Variants in STK26 observed in about 807,000 individuals in gnomAD.
The protein encoded by STK26 is serine/threonine-protein kinase 26.
STK26 carries 14 observed loss-of-function variants against 34.7 expected under a neutral mutation model. The observed-to-expected ratio is 0.40, with a 90% CI of 0.27 to 0.63. STK26 has a LOEUF of 0.63. STK26 is among the 30% of genes least tolerant of loss of function. The pLI is 0.38. For missense variants in STK26, 226 were observed against 309.1 expected (o/e 0.73, Z 2.02); for synonymous variants, 100 against 109.8 (o/e 0.91, Z 0.56).
At chrX:132,025,378 A>G (rs1245355475) in intron 2 of STK26, among the ~76,000 whole-genome samples, 1 of 111,224 alleles carries the variant, frequency 9.0e-6, no homozygotes, top group African/African-American at 3.3e-5. Context: ...ATGGTTTCTG[A>G]TTTTTATTTT....
chrX:132,031,011 A>G (rs1379248471), intron 2 of STK26, among the ~76,000 whole-genome samples: 2 of 110,812 alleles, frequency 1.8e-5, no homozygotes, highest in African/African-American at 6.6e-5. Flanking sequence ...ATCACAGTTT[A>G]CTGCAGCCTC....
chrX:132,071,305 A>G (rs1054740940), intron 8 of STK26, 88 bp downstream of exon 8: 1 of 1,002,217 alleles, frequency 1.0e-6, no homozygotes, highest in Non-Finnish European at 1.4e-6. Flanking sequence ...TTGTTCTAGC[A>G]TAAAATATAA....
intron 2 of STK26, among the ~76,000 whole-genome samples, chrX:132,054,028 T>TA (rs1288392037): frequency 8.9e-6 from 1 of 112,162 alleles, no homozygotes; most frequent in East Asian, 2.8e-4. Flanking sequence ...TCATGATTAC[T>TA]AGCAATTATT....
intron 2 of STK26, among the ~76,000 whole-genome samples, chrX:132,028,463 A>G (rs1182526849): frequency 1.8e-5 from 2 of 111,420 alleles, no homozygotes; most frequent in South Asian, 3.8e-4. Flanking sequence ...GACAAAGTAC[A>G]TATGTCCAAT....
rs967672513 is a variant in STK26 at position 132,044,631 on chromosome X, C to G, written c.43-10000C>G. On this transcript the variant is annotated intron_variant, in intron 2 of 11. Transcript: ENST00000394334. ...TAGTTTCACTGGATGTTCAAATTCTCTCTCTCTCTCTCTCTCTCTCTCTCT... is the reference window on the plus strand; with the variant it reads ...TAGTTTCACTGGATGTTCAAATTCTGTCTCTCTCTCTCTCTCTCTCTCTCT... Among the ~76,000 whole-genome samples, 5 of 43,020 alleles carry G rather than the reference C, an allele frequency of 1.2e-4. No individual in the cohort carries two copies. In the South Asian group the frequency reaches 4.5e-3, roughly 39 times the overall value. The allele number at this position is 43,020 out of a possible 115,157, so 37.4% of individuals were successfully genotyped here. A position where few individuals can be genotyped will look rare whatever the true frequency, so the allele number is the denominator to read the frequency against.
At position 132,054,774 on chromosome X, in the gene STK26, T is replaced by G. The variant is rs1336172162; in HGVS notation, c.186T>G (p.Asp62Glu). 8.3e-7 allele frequency: 1 copy of G among 1,209,831 alleles called. No individual in the cohort carries two copies. Among genetic ancestry groups the G allele is most frequent in the Admixed American group, 2.2e-5 (1 of 45,706 alleles). The change falls in exon 3 of 12, where the codon GAT becomes GAG. Residue 62 changes from aspartate (D) to glutamate (E), a missense_variant. By Grantham distance (45) the Asp-to-Glu change is conservative. This residue lies in a region of STK26 where 100 missense variants were observed against 176.7 expected (regional missense o/e 0.57). Coordinates refer to ENST00000394334, the MANE Select transcript of STK26 (RefSeq NM_016542.4). ...TCATAGACCTTGAGGAAGCCGAAGA[T>G]GAAATAGAAGACATTCAGCAAGAAA... ...IKIIDLEEAE[D>E]EIEDIQQEIT... is the part of the protein sequence containing the mutation.
Position 132,072,940 on chromosome X carries a change from CTAT to C in STK26, c.1090-12_1090-10del, listed in dbSNP as rs777297696. On this transcript the variant is annotated splice_polypyrimidine_tract_variant and intron_variant, in intron 10 of 11. Coordinates refer to ENST00000394334, the MANE Select transcript of STK26 (RefSeq NM_016542.4). ...TAGTATAATATTTTAAATGTTTTAA[CTAT>C]TATTCTTTCTCAGCTTAAACAGCAG... 25 of 1,205,951 alleles carry C rather than the reference CTAT, an allele frequency of 2.1e-5. No homozygotes were observed. The highest frequency in any genetic ancestry group is 2.8e-5 in the Non-Finnish European group (25 of 892,671).
chrX:132,074,567 T>TA lies in STK26; in HGVS notation c.*408_*409insA, dbSNP rs200019710. On this transcript the variant is annotated 3_prime_UTR_variant, in exon 12 of 12. Coordinates refer to ENST00000394334, the MANE Select transcript of STK26 (RefSeq NM_016542.4). ...ATCAAGCTTCAAAAAGCTTTTTTTT[T>TA]TAAAAAAAAACATGCATATTCTAAA... 1.0e-3 allele frequency: 116 copies of TA among 112,638 alleles called. No homozygotes were observed. Among genetic ancestry groups the TA allele is most frequent in the South Asian group, 4.4e-3 (11 of 2,504 alleles). The allele number at this position is 112,638 out of a possible 1,213,427, so 9.3% of individuals were successfully genotyped here. A position where few individuals can be genotyped will look rare whatever the true frequency, so the allele number is the denominator to read the frequency against.
chrX:132,073,359 C>A (rs2124198029), intron 11 of STK26, among the ~76,000 whole-genome samples: 1 of 112,014 alleles, frequency 8.9e-6, no homozygotes, highest in South Asian at 3.6e-4. Context: ...GGATTATAGA[C>A]AAAAGGTCAC....
intron 2 of STK26, among the ~76,000 whole-genome samples, chrX:132,030,865 T>A (rs777189836): frequency 8.9e-6 from 1 of 111,810 alleles, no homozygotes; most frequent in Non-Finnish European, 1.9e-5. Flanking sequence ...TACACAGAAC[T>A]AAAATTTTGA....
At chrX:132,034,076 C>T (rs749666088) in intron 2 of STK26, among the ~76,000 whole-genome samples, 1 of 104,204 alleles carries the variant, frequency 9.6e-6, no homozygotes, top group South Asian at 4.3e-4. Context: ...GCACAATGTG[C>T]ACATGTTCCC....
At chrX:132,025,241 T>G (rs767669834) in intron 2 of STK26, among the ~76,000 whole-genome samples, 2 of 111,738 alleles carry the variant, frequency 1.8e-5, no homozygotes, top group South Asian at 7.5e-4. Flanking sequence ...ATGTGAAGTT[T>G]GTCTCTGAGG....
rs1569330218 is a variant in STK26 at position 132,044,772 on chromosome X, GATCTATATATATATTTATAT to G, written c.43-9856_43-9837del. 3.4e-3 allele frequency among the ~76,000 whole-genome samples: 126 copies of G among 37,520 alleles called. 6 individuals are homozygous for G. Among genetic ancestry groups the G allele is most frequent in the African/African-American group, 0.011 (83 of 7,726 alleles). The allele number at this position is 37,520 out of a possible 115,157, so 32.6% of individuals were successfully genotyped here. On this transcript the variant is annotated intron_variant, in intron 2 of 11. Transcript: ENST00000394334. Reference sequence around the variant, plus strand: ...ATATATATTTATATATATATAGAGAGATCTATATATATATTTATATATATAGAGAGAGATCTATATATATA... The same window carrying G: ...ATATATATTTATATATATATAGAGAGATATAGAGAGAGATCTATATATATA...
intron 2 of STK26, among the ~76,000 whole-genome samples, chrX:132,032,557 CCTT>C (rs1925882458): frequency 9.0e-6 from 1 of 111,601 alleles, no homozygotes. Context: ...TTTTCCCTCT[CCTT>C]CTATTACCTC....
chrX:132,054,139 T>C (rs1054309008), intron 2 of STK26, among the ~76,000 whole-genome samples: 9 of 112,090 alleles, frequency 8.0e-5, no homozygotes, highest in Admixed American at 6.6e-4. Context: ...TGGAGTCTTT[T>C]GTGGTCTGTG....
intron 4 of STK26, 108 bp from the exon 5 acceptor site, chrX:132,068,107 G>A: frequency 1.9e-6 from 1 of 533,834 alleles, no homozygotes; most frequent in Non-Finnish European, 2.9e-6. Context: ...AAACAGAACG[G>A]CATCATGTGT....
intron 2 of STK26, among the ~76,000 whole-genome samples, chrX:132,036,895 A>T (rs1926072160): frequency 8.9e-6 from 1 of 112,203 alleles, no homozygotes; most frequent in South Asian, 3.6e-4. Flanking sequence ...TTTTTAATAA[A>T]CTATACTAAT....
Position 132,073,045 on chromosome X carries a change from C to T in STK26, c.1178C>T (p.Pro393Leu). 1 of 1,206,264 alleles carries T rather than the reference C, an allele frequency of 8.3e-7. No homozygotes were observed. Among genetic ancestry groups the T allele is most frequent in the Non-Finnish European group, 1.1e-6 (1 of 893,065 alleles). ...KSIAVAEAAC[P>L]GITDKMVKKL... ...ATTGCTGTGGCTGAAGCCGCCTGTC[C>T]CGGCATCACAGATAAAATGGTGAAG... is the stretch of plus-strand genomic sequence containing the variant. Residue 393 changes from proline (P) to leucine (L), a missense_variant, in exon 11 of 12, where the codon CCC becomes CTC. Around this residue, in one of 2 missense-constraint regions of STK26, gnomAD observed 126 missense variants for 132.4 expected, o/e 0.95. Transcript: ENST00000394334.
In STK26 at chrX:132,055,352, T is replaced by C. The variant is rs1926820142; in HGVS notation, c.273+491T>C. ...GGTACTTACATTCCTTAGCACAGGG[T>C]ATGGTACATCTTAAGCATGTGGTAA... On this transcript the variant is annotated intron_variant, in intron 3 of 11. Transcript: ENST00000394334. 6.7e-6 allele frequency: 5 copies of C among 742,434 alleles called. No individual in the cohort carries two copies. In the South Asian group the frequency reaches 1.3e-4, roughly 19 times the overall value. 61.2% of individuals were successfully genotyped at this position (742,434 alleles called of 1,213,427 possible). A position where few individuals can be genotyped will look rare whatever the true frequency, so the allele number is the denominator to read the frequency against.
Sources: allele counts gnomAD v4.1 joint callset (sites outside exome capture counted in the v4.1 genomes callset), GRCh38; gene constraint gnomAD v4.1.1; regional missense constraint gnomAD v4.1.1; transcripts MANE v1.5; gene names NCBI Gene and HGNC (gene_info 2026-07-23, HGNC 2026-07-21).